The following SPTLC2 variants were observed in gnomAD, a reference collection of about 807,000 sequenced individuals.
SPTLC2 encodes serine palmitoyltransferase 2.
SPTLC2 carries 21 observed loss-of-function variants against 62.0 expected under a neutral mutation model. That is an observed-to-expected ratio of 0.34 (90% CI 0.24 to 0.49). The LOEUF is 0.49. Ranked by LOEUF, SPTLC2 falls within the 20% of genes least tolerant of loss-of-function variation. The pLI is 0.99. For synonymous variants in SPTLC2, 261 were observed against 261.8 expected, an observed-to-expected ratio of 1.00 and a Z score of 0.03; for missense variants, 511 against 713.0, an observed-to-expected ratio of 0.72 and a Z score of 3.23.
intron 9 of SPTLC2, among the ~76,000 whole-genome samples, chr14:77,548,468 T>C (rs771444842): frequency 7.2e-5 from 11 of 152,270 alleles, no homozygotes; most frequent in Non-Finnish European, 1.3e-4. Flanking sequence ...TTGATTCGTA[T>C]GTAGATACTA....
In SPTLC2 at chr14:77,616,596, G is replaced by A. The variant is rs973491638; in HGVS notation, c.-17C>T. The A allele has an allele frequency of 6.5e-6, 10 of 1,537,818 alleles. No homozygotes were observed. In the African/African-American group the frequency reaches 9.6e-5, roughly 15 times the overall value. On this transcript the variant is annotated 5_prime_UTR_variant, in exon 1 of 12. Transcript: ENST00000216484. ...CGGCCGCATCTTCCTGGCAGCACCA[G>A]GCGCAAGGCAGGCTCTGTAGGCGGT...
At chr14:77,581,478 T>G (rs1034231452) in intron 2 of SPTLC2, among the ~76,000 whole-genome samples, 2 of 146,152 alleles carry the variant, frequency 1.4e-5, no homozygotes, top group East Asian at 4.1e-4. Context: ...TGGTGTGATC[T>G]CGCCTCACTG....
In SPTLC2 at chr14:77,521,451, T is replaced by A; in HGVS notation, c.1434A>T (p.Lys478Asn). The A allele has an allele frequency of 6.2e-7, 1 of 1,614,104 alleles. No individual in the cohort carries two copies. The highest frequency in any genetic ancestry group is 8.5e-7 in the Non-Finnish European group (1 of 1,180,018). Residue 478 changes from lysine to asparagine, a missense_variant, in exon 10 of 12, where the codon AAA (lysine) becomes AAT (asparagine). By Grantham distance (94) the Lys-to-Asn change is moderately conservative. Transcript: ENST00000216484. ...VVPLMLYMPAKIGAFGREMLK... is the reference protein window; with the variant it reads ...VVPLMLYMPANIGAFGREMLK... ...TGATCTGCAACAAAACGTACCCAAT[T>A]TTGGCAGGCATGTAGAGCATCAAAG...
intron 9 of SPTLC2, among the ~76,000 whole-genome samples, chr14:77,539,553 G>T (rs1270603887): frequency 7.8e-6 from 1 of 128,196 alleles, no homozygotes; most frequent in Non-Finnish European, 1.6e-5. Flanking sequence ...ACAGTGGTGT[G>T]ATCTCGGTTC....
Position 77,556,907 on chromosome 14 carries a change from C to T in SPTLC2, c.956+134G>A, listed in dbSNP as rs1594987943. 16 of 712,454 alleles carry T rather than the reference C, an allele frequency of 2.2e-5. No individual in the cohort carries two copies. In the East Asian group the frequency reaches 4.3e-4, roughly 19 times the overall value. The allele number at this position is 712,454 out of a possible 1,614,324, so 44.1% of individuals were successfully genotyped here. The stretch of plus-strand genomic sequence containing the variant: ...TCTGTTCTAATGCTGACTCTGTTTC[C>T]AGGTATTTTAGCGACTTATAAACAC... On this transcript the variant is annotated intron_variant, in intron 7 of 11. Coordinates refer to ENST00000216484, the MANE Select transcript of SPTLC2 (RefSeq NM_004863.4).
At chr14:77,574,723 A>G (rs2079704110) in intron 4 of SPTLC2, among the ~76,000 whole-genome samples, 2 of 152,222 alleles carry the variant, frequency 1.3e-5, no homozygotes, top group African/African-American at 4.8e-5. Context: ...ATATTGTGCT[A>G]GTGAAGGAAG....
In SPTLC2 at chr14:77,510,369, C is replaced by A. The variant is rs930581271; in HGVS notation, c.*1915G>T. 2 of 157,284 alleles carry A rather than the reference C, an allele frequency of 1.3e-5. No individual in the cohort carries two copies. Among genetic ancestry groups the A allele is most frequent in the Non-Finnish European group, 2.8e-5 (2 of 71,722 alleles). The allele number at this position is 157,284 out of a possible 1,614,324, so 9.7% of individuals were successfully genotyped here. On this transcript the variant is annotated 3_prime_UTR_variant, in exon 12 of 12. Coordinates refer to ENST00000216484, the MANE Select transcript of SPTLC2 (RefSeq NM_004863.4). ...AATATTGCTTACATCCTCTGCTATACGTAATGTGCACAAACATATCACAGC... is the reference window on the plus strand; with the variant it reads ...AATATTGCTTACATCCTCTGCTATAAGTAATGTGCACAAACATATCACAGC...
At chr14:77,592,242 C>T (rs982749208) in intron 2 of SPTLC2, among the ~76,000 whole-genome samples, 4 of 151,934 alleles carry the variant, frequency 2.6e-5, no homozygotes, top group Non-Finnish European at 4.4e-5. Flanking sequence ...TCAAGCCATT[C>T]TCCTGCCTCA....
At chr14:77,597,476 A>G in intron 1 of SPTLC2, 96 bp from the exon 2 acceptor site, 1 of 1,233,254 alleles carries the variant, frequency 8.1e-7, no homozygotes, top group Non-Finnish European at 1.1e-6. Flanking sequence ...ATTATACCTT[A>G]AGAATTTTCT....
At chr14:77,591,929 T>C (rs1413152842) in intron 2 of SPTLC2, among the ~76,000 whole-genome samples, 3 of 152,010 alleles carry the variant, frequency 2.0e-5, no homozygotes, top group Admixed American at 2.0e-4. Context: ...TTCACCATGT[T>C]GGTCAGGCTG....
At chr14:77,548,109 A>G (rs927570205) in intron 9 of SPTLC2, among the ~76,000 whole-genome samples, 1 of 152,198 alleles carries the variant, frequency 6.6e-6, no homozygotes, top group African/African-American at 2.4e-5. Context: ...AAAGAAGTAC[A>G]AAACTCTATA....
intron 5 of SPTLC2, among the ~76,000 whole-genome samples, chr14:77,564,464 T>C (rs1281381504): frequency 2.7e-5 from 4 of 150,308 alleles, no homozygotes; most frequent in Non-Finnish European, 5.9e-5. Flanking sequence ...TGTGTGTGTA[T>C]GCATGAGTTC....
At chr14:77,525,926 A>T (rs1261361560) in intron 9 of SPTLC2, among the ~76,000 whole-genome samples, 1 of 152,156 alleles carries the variant, frequency 6.6e-6, no homozygotes, top group Admixed American at 6.6e-5. Context: ...ATAAATAAAT[A>T]TATAAAAATA....
At chr14:77,593,429 TG>T (rs1430362177) in intron 2 of SPTLC2, among the ~76,000 whole-genome samples, 1 of 152,216 alleles carries the variant, frequency 6.6e-6, no homozygotes, top group Non-Finnish European at 1.5e-5. Flanking sequence ...AAGCTTTTGC[TG>T]TATCTGTCAC....
chr14:77,554,676 C>G (rs1379979656), intron 8 of SPTLC2: 1 of 155,028 alleles, frequency 6.5e-6, no homozygotes, highest in East Asian at 1.9e-4. Flanking sequence ...TCCCTGAGGT[C>G]TAACAAAGTA....
chr14:77,569,417 C>T (rs972490379), intron 5 of SPTLC2, among the ~76,000 whole-genome samples: 3 of 152,074 alleles, frequency 2.0e-5, no homozygotes, highest in African/African-American at 7.2e-5. Context: ...CCCATCTGTA[C>T]CTTACAGACC....
At chr14:77,515,634 C>T (rs890284633) in intron 11 of SPTLC2, among the ~76,000 whole-genome samples, 40 of 150,476 alleles carry the variant, frequency 2.7e-4, no homozygotes, top group African/African-American at 9.6e-4. Flanking sequence ...ACTGCAACCT[C>T]CGCCTCCCAG....
rs13430 is a variant in SPTLC2, at chr14:77,506,889, G to A, written c.*5395C>T. The A allele has an allele frequency of 6.6e-6, 1 of 152,190 alleles. No homozygotes were observed. Among genetic ancestry groups the A allele is most frequent in the African/African-American group, 2.4e-5 (1 of 41,416 alleles). The allele number at this position is 152,190 out of a possible 1,614,324, so 9.4% of individuals were successfully genotyped here. A position where few individuals can be genotyped will look rare whatever the true frequency, so the allele number is the denominator to read the frequency against. ...CCAAAAGAACAGAGCTTTGGGTATT[G>A]CTTCATTAAGAACACAGTAACTGCA... On this transcript the variant is annotated 3_prime_UTR_variant, in exon 12 of 12. Transcript: ENST00000216484.
intron 1 of SPTLC2, among the ~76,000 whole-genome samples, chr14:77,604,128 G>A (rs1003561985): frequency 1.1e-4 from 16 of 152,204 alleles, no homozygotes; most frequent in Admixed American, 6.5e-5. Flanking sequence ...TGGTGGTCAC[G>A]TGTATGCTTT....
Sources: gnomAD v4.1 joint callset for allele counts (sites outside exome capture counted in the v4.1 genomes callset) on GRCh38, gnomAD v4.1.1 for gene constraint, MANE v1.5 for transcripts, NCBI Gene and HGNC (gene_info 2026-07-23, HGNC 2026-07-21) for gene names.